GRIA4: variants seen among roughly 807,000 people sequenced by gnomAD.
GRIA4 encodes the protein glutamate receptor 4.
In GRIA4, 34 loss-of-function variants were observed where a neutral mutation model predicts 104.0. That is an observed-to-expected ratio of 0.33 (90% CI 0.25 to 0.44). The LOEUF (loss-of-function observed/expected upper bound fraction) is 0.44, where lower values mean the gene tolerates loss of function less well. GRIA4 is among the 20% of genes least tolerant of loss of function. The pLI is 1.00. For synonymous variants in GRIA4, 386 were observed against 381.9 expected, an observed-to-expected ratio of 1.01 and a Z score of -0.13; for missense variants, 750 against 1,096.5, an observed-to-expected ratio of 0.68 and a Z score of 4.46.
chr11:105,691,592 A>C (rs1325121617), intron 3 of GRIA4, among the ~76,000 whole-genome samples: 2 of 152,206 alleles, frequency 1.3e-5, no homozygotes, highest in Non-Finnish European at 2.9e-5. Flanking sequence ...TTGATGAGTA[A>C]ATAAGTTATT....
intron 4 of GRIA4, among the ~76,000 whole-genome samples, chr11:105,830,147 T>G (rs1011184199): frequency 2.6e-5 from 4 of 152,008 alleles, no homozygotes; most frequent in African/African-American, 7.2e-5. Context: ...CCATTCTGTA[T>G]GCTGAAAATT....
chr11:105,658,061 G>C (rs1425624007), intron 3 of GRIA4, among the ~76,000 whole-genome samples: 1 of 151,816 alleles, frequency 6.6e-6, no homozygotes, highest in Non-Finnish European at 1.5e-5. Flanking sequence ...AGTGTTAACA[G>C]CATATTTCTT....
In GRIA4 at chr11:105,926,937, A is replaced by G; in HGVS notation, c.2044A>G (p.Arg682Gly). Residue 682 changes from arginine (R) to glycine (G), a missense_variant and splice_region_variant, in exon 13 of 17, where the codon AGA (arginine) becomes GGA (glycine). Physicochemically the swap from Arg to Gly is moderately radical, Grantham distance 125 (BLOSUM62 -2). This residue lies in a region of GRIA4 where 272 missense variants were observed against 524.5 expected (regional missense o/e 0.52). Transcript: ENST00000282499. ...LDSGSTKEFF[R>G]RSKIAVYEKM... ...TTCAGGATCAACAAAAGAATTCTTC[A>G]GAGTAAGTTAAGGGAAAAACTAAAA... 1.2e-6 allele frequency: 2 copies of G among 1,600,894 alleles called. No homozygotes were observed. The highest frequency in any genetic ancestry group is 1.7e-4 in the Middle Eastern group (1 of 6,024).
chr11:105,958,047 T>C (rs1948636987), intron 14 of GRIA4, among the ~76,000 whole-genome samples: 1 of 152,206 alleles, frequency 6.6e-6, no homozygotes, highest in Admixed American at 6.5e-5. Context: ...TACAATCATG[T>C]CATCTGCAAA....
At chr11:105,790,319 T>C (rs547495304) in intron 4 of GRIA4, among the ~76,000 whole-genome samples, 2 of 152,336 alleles carry the variant, frequency 1.3e-5, no homozygotes, top group Admixed American at 1.3e-4. Flanking sequence ...TGTCACGCTT[T>C]AGTAATTCAC....
chr11:105,663,563 A>G (rs2135417500), intron 3 of GRIA4, among the ~76,000 whole-genome samples: 1 of 152,096 alleles, frequency 6.6e-6, no homozygotes, highest in African/African-American at 2.4e-5. Flanking sequence ...TTAATAAGGG[A>G]ATAGGGAAAG....
intron 14 of GRIA4, among the ~76,000 whole-genome samples, chr11:105,971,485 G>GTCA (rs1858688500): frequency 1.3e-5 from 2 of 152,102 alleles, no homozygotes; most frequent in Admixed American, 1.3e-4. Context: ...ACCATAAGCT[G>GTCA]AATCATAATG....
At chr11:105,854,813 T>C (rs2135998120) in intron 4 of GRIA4, among the ~76,000 whole-genome samples, 1 of 152,254 alleles carries the variant, frequency 6.6e-6, no homozygotes, top group Middle Eastern at 3.4e-3. Context: ...CTCTGCATGC[T>C]GAAGTGTGGT....
At chr11:105,895,653 A>G (rs1472221281) in intron 6 of GRIA4, among the ~76,000 whole-genome samples, 3 of 151,812 alleles carry the variant, frequency 2.0e-5, no homozygotes, top group African/African-American at 7.3e-5. Flanking sequence ...GAGAGAGAGA[A>G]AATAAATAAT....
At chr11:105,725,322 A>C (rs542069994) in intron 3 of GRIA4, among the ~76,000 whole-genome samples, 283 of 152,294 alleles carry the variant, frequency 1.9e-3, no homozygotes, top group Non-Finnish European at 3.6e-3. Flanking sequence ...TAGATAACTA[A>C]ATCTAGGACA....
intron 4 of GRIA4, among the ~76,000 whole-genome samples, chr11:105,840,480 G>A (rs1337151541): frequency 1.3e-5 from 2 of 152,140 alleles, no homozygotes; most frequent in Non-Finnish European, 2.9e-5. Flanking sequence ...AATATGGCAG[G>A]GGAACACGAA....
chr11:105,822,399 A>G (rs1042126147), intron 4 of GRIA4, among the ~76,000 whole-genome samples: 4 of 152,068 alleles, frequency 2.6e-5, no homozygotes, highest in African/African-American at 9.7e-5. Context: ...GACACACACT[A>G]TAAATGTTTA....
intron 4 of GRIA4, among the ~76,000 whole-genome samples, chr11:105,764,325 G>T (rs1476243468): frequency 6.6e-6 from 1 of 152,050 alleles, no homozygotes; most frequent in East Asian, 1.9e-4. Flanking sequence ...TTTTAGAGTA[G>T]AGACAGGGTT....
chr11:105,901,865 T>A (rs1946870312), intron 7 of GRIA4, among the ~76,000 whole-genome samples: 1 of 152,224 alleles, frequency 6.6e-6, no homozygotes, highest in African/African-American at 2.4e-5. Context: ...CCTCCTTTGG[T>A]CCTCAAGTAC....
chr11:105,784,626 CT>C, intron 4 of GRIA4, among the ~76,000 whole-genome samples: 1 of 152,198 alleles, frequency 6.6e-6, no homozygotes, highest in Non-Finnish European at 1.5e-5. Flanking sequence ...GGCTTGGGCT[CT>C]TTTGTACAAG....
intron 8 of GRIA4, 113 bp downstream of exon 8, chr11:105,904,094 AAT>A: frequency 1.4e-6 from 1 of 714,512 alleles, no homozygotes; most frequent in East Asian, 2.7e-5. Context: ...TTGCTACTTA[AAT>A]ATATCAAGCC....
intron 3 of GRIA4, among the ~76,000 whole-genome samples, chr11:105,641,664 A>G (rs1160796621): frequency 6.6e-6 from 1 of 152,098 alleles, no homozygotes; most frequent in Non-Finnish European, 1.5e-5. Flanking sequence ...TCACCAATAC[A>G]CTTCCCAGTC....
At chr11:105,815,794 C>A (rs899789997) in intron 4 of GRIA4, among the ~76,000 whole-genome samples, 1 of 152,054 alleles carries the variant, frequency 6.6e-6, no homozygotes, top group African/African-American at 2.4e-5. Context: ...TTTAGGAAAT[C>A]AAGATAGCTT....
At chr11:105,709,641 C>T (rs1953839187) in intron 3 of GRIA4, among the ~76,000 whole-genome samples, 1 of 152,064 alleles carries the variant, frequency 6.6e-6, no homozygotes, top group Non-Finnish European at 1.5e-5. Context: ...AAGGGTACAG[C>T]ATCACTTCTG....
Sources: allele counts gnomAD v4.1 joint callset (sites outside exome capture counted in the v4.1 genomes callset), GRCh38; gene constraint gnomAD v4.1.1; regional missense constraint gnomAD v4.1.1; transcripts MANE v1.5; gene names NCBI Gene and HGNC (gene_info 2026-07-23, HGNC 2026-07-21).